Variants in INPP4A observed in about 807,000 individuals in gnomAD.
The protein encoded by INPP4A is inositol polyphosphate-4-phosphatase, type I, 107kD.
In INPP4A, 33 loss-of-function variants were observed where a neutral mutation model predicts 119.8. The observed-to-expected ratio is 0.28, with a 90% CI of 0.21 to 0.37. INPP4A has a LOEUF of 0.37. Among genes scored for constraint, INPP4A ranks in the 10% least tolerant of loss-of-function variants. The pLI, the probability that INPP4A is intolerant of heterozygous loss-of-function variation, is 1.00. For synonymous variants in INPP4A, 496 were observed against 500.7 expected, an observed-to-expected ratio of 0.99 and a Z score of 0.12; for missense variants, 956 against 1,289.9, an observed-to-expected ratio of 0.74 and a Z score of 3.97.
intron 1 of INPP4A, among the ~76,000 whole-genome samples, chr2:98,456,830 T>C (rs1235068272): frequency 6.6e-6 from 1 of 152,214 alleles, no homozygotes; most frequent in Non-Finnish European, 1.5e-5. Context: ...ATAACTCCAT[T>C]GGAGGGAGGA....
At position 98,569,622 on chromosome 2, in the gene INPP4A, G is replaced by T. The variant is rs1216185672; in HGVS notation, c.2518+954G>T. ...AGACACTGGGCTGGGCTCTACATAC[G>T]TTTCCACGCTGAATCCACAACAGCC... On this transcript the variant is annotated intron_variant, in intron 22 of 24. Coordinates refer to ENST00000409851, the MANE Select transcript of INPP4A (RefSeq NM_001134225.2). This position sits in a 1 kb window ranked among gnomAD's most constrained non-coding sequence, Gnocchi z 5.1. 1 of 152,218 alleles carries T rather than the reference G, an allele frequency of 6.6e-6. No homozygotes were observed. Among genetic ancestry groups the T allele is most frequent in the East Asian group, 1.9e-4 (1 of 5,196 alleles). 9.4% of individuals were successfully genotyped at this position (152,218 alleles called of 1,614,324 possible).
chr2:98,567,297 T>TTGGGGA (rs1255217811), intron 21 of INPP4A, among the ~76,000 whole-genome samples: 1 of 151,536 alleles, frequency 6.6e-6, no homozygotes, highest in Admixed American at 6.6e-5. Context: ...TTCAGTGGGG[T>TTGGGGA]TGGGGCTGGG....
chr2:98,561,847 G>A (rs753098810), intron 17 of INPP4A, among the ~76,000 whole-genome samples: 6 of 152,208 alleles, frequency 3.9e-5, no homozygotes, highest in Non-Finnish European at 5.9e-5. Flanking sequence ...TCCCCAAACC[G>A]TTTGGCGAGA....
intron 4 of INPP4A, among the ~76,000 whole-genome samples, chr2:98,523,673 C>T (rs1037545150): frequency 1.5e-4 from 23 of 152,214 alleles, no homozygotes; most frequent in African/African-American, 4.3e-4. Flanking sequence ...GGATTACAGG[C>T]GTGAGCCACC....
At chr2:98,547,096 T>C (rs1692619596) in intron 13 of INPP4A, among the ~76,000 whole-genome samples, 1 of 152,188 alleles carries the variant, frequency 6.6e-6, no homozygotes, top group Non-Finnish European at 1.5e-5. Context: ...TTTGAAACAT[T>C]CAGGGGGCTG....
At chr2:98,507,873 C>A (rs1684362946) in intron 1 of INPP4A, among the ~76,000 whole-genome samples, 1 of 152,180 alleles carries the variant, frequency 6.6e-6, no homozygotes, top group Non-Finnish European at 1.5e-5. Flanking sequence ...GCTCACCCCC[C>A]TGCACAGCGT....
rs1696369923 is a variant in INPP4A at position 98,566,042 on chromosome 2, G to A, written c.2293G>A (p.Val765Met). ...ACCTTTCTCCAGCGACGGGTTTAAC[G>A]TGCGGGTCCCTCTGCCGGGCCCGCT... ...VITGNRDGFN[V>M]RVPLPGPLFD... The change falls in exon 21 of 25, where the codon GTG becomes ATG. Residue 765 changes from valine (V) to methionine (M), a missense_variant. By Grantham distance (21) the Val-to-Met change is conservative. Transcript: ENST00000409851. This position sits in a 1 kb window ranked among gnomAD's most constrained non-coding sequence, Gnocchi z 4.2. The A allele has an allele frequency of 1.2e-6, 2 of 1,606,572 alleles. No homozygotes were observed. The highest frequency in any genetic ancestry group is 1.7e-6 in the Non-Finnish European group (2 of 1,176,924).
At chr2:98,577,751 A>G (rs1220140074) in intron 24 of INPP4A, among the ~76,000 whole-genome samples, 3 of 152,158 alleles carry the variant, frequency 2.0e-5, no homozygotes, top group South Asian at 4.1e-4. Flanking sequence ...TTGCAGAATG[A>G]AACCCGGAAC....
chr2:98,564,798 T>TG, intron 19 of INPP4A, 35 bp downstream of exon 19: 1 of 1,545,010 alleles, frequency 6.5e-7, no homozygotes. Flanking sequence ...GAGCCCCACT[T>TG]GCGTGTGTGG....
intron 1 of INPP4A, among the ~76,000 whole-genome samples, chr2:98,514,119 A>G (rs1183734458): frequency 6.6e-6 from 1 of 152,174 alleles, no homozygotes; most frequent in Non-Finnish European, 1.5e-5. Context: ...TAACAGCTCT[A>G]GTAGAGCCAC....
chr2:98,587,393 G>C, intron 24 of INPP4A, 83 bp from the exon 25 acceptor site: 1 of 1,288,874 alleles, frequency 7.8e-7, no homozygotes, highest in Non-Finnish European at 1.0e-6. Flanking sequence ...TTATGAAAAT[G>C]ATCAGTTCAT....
chr2:98,460,982 G>A (rs913493676), intron 1 of INPP4A, among the ~76,000 whole-genome samples: 11 of 152,126 alleles, frequency 7.2e-5, no homozygotes, highest in Non-Finnish European at 1.2e-4. Context: ...TTGTCTCAGG[G>A]GCTCTCCCTA....
intron 1 of INPP4A, among the ~76,000 whole-genome samples, chr2:98,497,190 C>A (rs1682166029): frequency 6.6e-6 from 1 of 152,196 alleles, no homozygotes; most frequent in South Asian, 2.1e-4. Context: ...TGGTTTTGAG[C>A]CTGCCAGTGT....
chr2:98,501,650 G>T (rs1683148313), intron 1 of INPP4A, among the ~76,000 whole-genome samples: 1 of 152,172 alleles, frequency 6.6e-6, no homozygotes, highest in African/African-American at 2.4e-5. Context: ...AAACACCATT[G>T]TTACCATTTG....
In INPP4A at chr2:98,445,069, G is replaced by A. The variant is rs1026276694; in HGVS notation, c.-182G>A. 1 of 149,024 alleles carries A rather than the reference G, an allele frequency of 6.7e-6. No individual in the cohort carries two copies. Among genetic ancestry groups the A allele is most frequent in the East Asian group, 1.9e-4 (1 of 5,140 alleles). 9.2% of individuals were successfully genotyped at this position (149,024 alleles called of 1,614,324 possible). On this transcript the variant is annotated 5_prime_UTR_variant, in exon 1 of 25. Transcript: ENST00000409851. The stretch of plus-strand genomic sequence containing the variant: ...GGGACAGCGGGGCGGCTGGCGCCGG[G>A]GGCCGGGGAGCGCCAGGTAGGTGGG...
At position 98,448,174 on chromosome 2, in the gene INPP4A, G is replaced by A. The variant is rs189121372; in HGVS notation, c.-166+3089G>A. 3.7e-3 allele frequency among the ~76,000 whole-genome samples: 565 copies of A among 151,724 alleles called. 1 individual carries two copies. The highest frequency in any genetic ancestry group is 6.2e-3 in the Non-Finnish European group (418 of 67,938). On this transcript the variant is annotated intron_variant, in intron 1 of 24. Coordinates refer to ENST00000409851, the MANE Select transcript of INPP4A (RefSeq NM_001134225.2). ...AGTTTGAGACCAGCCTGGCCAACAT[G>A]ATGAAATACTGTCTCTACTAAAAAT...
rs899632969 is a variant in INPP4A at position 98,590,869 on chromosome 2, A to C, written c.*3261A>C. On this transcript the variant is annotated 3_prime_UTR_variant, in exon 25 of 25. Transcript: ENST00000409851. ...ACATGTGCCTTTTCCCTTTATTCTC[A>C]TTGATGGTAGCAGTGCACCTCGTTT... 1.7e-5 allele frequency: 4 copies of C among 230,714 alleles called. No homozygotes were observed. The highest frequency in any genetic ancestry group is 8.8e-5 in the African/African-American group (4 of 45,220). 14.3% of individuals were successfully genotyped at this position (230,714 alleles called of 1,614,324 possible).
At chr2:98,556,923 T>G (rs1484953426) in intron 16 of INPP4A, among the ~76,000 whole-genome samples, 2 of 152,254 alleles carry the variant, frequency 1.3e-5, no homozygotes, top group African/African-American at 4.8e-5. Flanking sequence ...CTCATGGAAC[T>G]ATTTTGTCTC....
At chr2:98,454,760 C>A (rs1270540648) in intron 1 of INPP4A, among the ~76,000 whole-genome samples, 1 of 98,552 alleles carries the variant, frequency 1.0e-5, no homozygotes, top group Non-Finnish European at 2.0e-5. Flanking sequence ...AGGATGTGGG[C>A]GGGGGGTGGG....
Sources: allele counts gnomAD v4.1 joint callset (sites outside exome capture counted in the v4.1 genomes callset), GRCh38; gene constraint gnomAD v4.1.1; non-coding constraint Gnocchi (gnomAD v3.1); transcripts MANE v1.5; gene names NCBI Gene and HGNC (gene_info 2026-07-23, HGNC 2026-07-21).